The following SYNE1 variants were observed in gnomAD, a reference collection of about 807,000 sequenced individuals.
The protein encoded by SYNE1 is nesprin-1.
A neutral mutation model predicts 1,111.0 loss-of-function variants in SYNE1; 616 were observed. The observed-to-expected ratio is 0.55, with a 90% confidence interval of 0.52 to 0.59. The LOEUF (loss-of-function observed/expected upper bound fraction) is 0.59, where lower values mean the gene tolerates loss of function less well. SYNE1 is among the 20% of genes least tolerant of loss of function. The probability of loss-of-function intolerance (pLI) is 0.00; values close to 1 mark genes in which losing one functional copy is unlikely to be tolerated. For synonymous variants in SYNE1, 3,855 were observed against 3,825.8 expected, an observed-to-expected ratio of 1.01 and a Z score of -0.28; for missense variants, 10,006 against 10,417.0, an observed-to-expected ratio of 0.96 and a Z score of 1.72.
At chr6:152,422,013 C>A (rs749259509) in intron 39 of SYNE1, among the ~76,000 whole-genome samples, 1 of 152,046 alleles carries the variant, frequency 6.6e-6, no homozygotes, top group Non-Finnish European at 1.5e-5. Flanking sequence ...GCCAAAACTG[C>A]TTTCCTTAAT....
At chr6:152,353,165 G>T (rs1269290149) in intron 69 of SYNE1, 98 bp downstream of exon 69, 3 of 1,462,042 alleles carry the variant, frequency 2.1e-6, no homozygotes, top group Non-Finnish European at 2.9e-6. Context: ...AATCATAATG[G>T]TTGGGATGAT....
chr6:152,329,490 G>A (rs1563106412), intron 78 of SYNE1, among the ~76,000 whole-genome samples: 1 of 152,186 alleles, frequency 6.6e-6, no homozygotes, highest in Non-Finnish European at 1.5e-5. Flanking sequence ...TTGCACCACT[G>A]CACTCCAGCC....
chr6:152,426,717 G>C (rs1201312825), intron 38 of SYNE1, among the ~76,000 whole-genome samples: 2 of 152,226 alleles, frequency 1.3e-5, no homozygotes, highest in African/African-American at 4.8e-5. Context: ...GTCAGGGCGG[G>C]AAACAGTCAG....
chr6:152,135,345 T>G (rs2056812209), intron 141 of SYNE1, 113 bp from the exon 142 acceptor site: 1 of 1,155,978 alleles, frequency 8.7e-7, no homozygotes, highest in East Asian at 2.6e-5. Flanking sequence ...AGAACATACA[T>G]GCAACTCCTT....
At chr6:152,414,325 T>C (rs906260672) in intron 41 of SYNE1, among the ~76,000 whole-genome samples, 2 of 152,008 alleles carry the variant, frequency 1.3e-5, no homozygotes, top group Non-Finnish European at 2.9e-5. Flanking sequence ...TGGAGGATCA[T>C]GTGAGCCCAA....
intron 12 of SYNE1, among the ~76,000 whole-genome samples, chr6:152,487,232 T>C (rs2098945861): frequency 6.6e-6 from 1 of 152,126 alleles, no homozygotes; most frequent in African/African-American, 2.4e-5. Flanking sequence ...CCCCAGTGTG[T>C]GTTGTTCCTC....
intron 13 of SYNE1, 23 bp from the exon 14 acceptor site, chr6:152,483,272 G>C (rs1164256059): frequency 2.5e-6 from 4 of 1,608,272 alleles, no homozygotes; most frequent in Non-Finnish European, 1.7e-6. Context: ...AAGCAGAAAA[G>C]TAAAATATCT....
chr6:152,358,876 T>C (rs1361899907), intron 65 of SYNE1, among the ~76,000 whole-genome samples: 1 of 152,208 alleles, frequency 6.6e-6, no homozygotes, highest in Non-Finnish European at 1.5e-5. Context: ...GTGCCTTAAA[T>C]GAAGATTTGG....
At chr6:152,392,891 A>C (rs1002007787) in intron 51 of SYNE1, among the ~76,000 whole-genome samples, 3 of 152,308 alleles carry the variant, frequency 2.0e-5, no homozygotes. Context: ...ACTTTTATAT[A>C]GGGCATTTCC....
chr6:152,201,749 G>C, intron 127 of SYNE1, 75 bp downstream of exon 127: 4 of 1,607,458 alleles, frequency 2.5e-6, no homozygotes, highest in Non-Finnish European at 3.4e-6. Context: ...CTAAGAGTTT[G>C]ACTGGATTAT....
chr6:152,453,358 T>G, intron 25 of SYNE1: 1 of 648,040 alleles, frequency 1.5e-6, no homozygotes, highest in Non-Finnish European at 2.6e-6. Context: ...CCAAAAAGAA[T>G]GCTCGAGTAA....
At chr6:152,426,352 C>G (rs1046808505) in intron 38 of SYNE1, among the ~76,000 whole-genome samples, 1 of 152,196 alleles carries the variant, frequency 6.6e-6, no homozygotes, top group Non-Finnish European at 1.5e-5. Context: ...CTGTGGATGA[C>G]AGGTGAGATC....
In SYNE1 at chr6:152,148,575, G is replaced by C. The variant is rs2059894875; in HGVS notation, c.24643-197C>G. 6.6e-6 allele frequency among the ~76,000 whole-genome samples: 1 copy of C among 152,060 alleles called. No individual in the cohort carries two copies. On this transcript the variant is annotated intron_variant, in intron 136 of 145. Coordinates refer to ENST00000367255, the MANE Select transcript of SYNE1 (RefSeq NM_182961.4). This position sits in a 1 kb window ranked among gnomAD's most constrained non-coding sequence, Gnocchi z 4.1. The stretch of plus-strand genomic sequence containing the variant: ...GGTTGAAATCTCAGTTACGCTGTGT[G>C]CTTCCTGTTTAAGCTTGGATAAGGA...
At chr6:152,555,106 A>G (rs1172619556) in intron 3 of SYNE1, among the ~76,000 whole-genome samples, 1 of 152,238 alleles carries the variant, frequency 6.6e-6, no homozygotes, top group Non-Finnish European at 1.5e-5. Flanking sequence ...TCTTAGGAAG[A>G]GCAAAGAAGT....
At chr6:152,357,810 T>C (rs1252327069) in intron 66 of SYNE1, among the ~76,000 whole-genome samples, 1 of 152,218 alleles carries the variant, frequency 6.6e-6, no homozygotes, top group Non-Finnish European at 1.5e-5. Context: ...AATAAGTATA[T>C]AGATTGTGAC....
chr6:152,279,191 A>G (rs2093853678), intron 97 of SYNE1, among the ~76,000 whole-genome samples: 1 of 140,428 alleles, frequency 7.1e-6, no homozygotes, highest in Non-Finnish European at 1.5e-5. Flanking sequence ...TCTAAAATGG[A>G]GACTAAATTA....
At position 152,255,837 on chromosome 6, in the gene SYNE1, C is replaced by T. The variant is rs1444718083; in HGVS notation, c.19105-91G>A. The T allele has an allele frequency of 1.6e-5, 23 of 1,430,964 alleles. No homozygotes were observed. The South Asian group carries it at 2.0e-4, about 12-fold the overall frequency. 88.6% of individuals were successfully genotyped at this position (1,430,964 alleles called of 1,614,324 possible). A position where few individuals can be genotyped will look rare whatever the true frequency, so the allele number is the denominator to read the frequency against. ...GGATGGGGCCGGTGCAGTGCTCACA[C>T]CTGTAATCTGAGCACTTTGGTAGCC... On this transcript the variant is annotated intron_variant, in intron 102 of 145. Coordinates refer to ENST00000367255, the MANE Select transcript of SYNE1 (RefSeq NM_182961.4).
chr6:152,493,126 C>T (rs575661205), intron 11 of SYNE1, among the ~76,000 whole-genome samples: 1 of 152,188 alleles, frequency 6.6e-6, no homozygotes, highest in East Asian at 1.9e-4. Context: ...TCTACTCCCT[C>T]CCTAGCAATT....
chr6:152,130,077 G>A (rs2152678002), intron 145 of SYNE1, among the ~76,000 whole-genome samples: 1 of 152,290 alleles, frequency 6.6e-6, no homozygotes, highest in Non-Finnish European at 1.5e-5. Flanking sequence ...CTCGGGAGGT[G>A]ACTGGGCAGG....
Sources: gnomAD v4.1 joint callset for allele counts (sites outside exome capture counted in the v4.1 genomes callset) on GRCh38, gnomAD v4.1.1 for gene constraint, Gnocchi (gnomAD v3.1) non-coding constraint, MANE v1.5 for transcripts, NCBI Gene and HGNC (gene_info 2026-07-23, HGNC 2026-07-21) for gene names.